Variants in DNAH2 observed in about 807,000 individuals in gnomAD.
DNAH2 encodes dynein axonemal heavy chain 2, also known as axonemal beta dynein heavy chain 2.
DNAH2 carries 323 observed loss-of-function variants against 523.5 expected under a neutral mutation model. The observed-to-expected ratio is 0.62, with a 90% CI of 0.56 to 0.68. DNAH2 has a LOEUF of 0.68. DNAH2 is among the 30% of genes least tolerant of loss of function. DNAH2 has a pLI of 0.00. For synonymous variants in DNAH2, 2,093 were observed against 2,177.4 expected (o/e 0.96, Z 1.08); for missense variants, 4,907 against 5,701.5 (o/e 0.86, Z 4.49).
chr17:7,777,337 C>A, intron 32 of DNAH2, 109 bp from the exon 33 acceptor site: 1 of 1,171,350 alleles, frequency 8.5e-7, no homozygotes, highest in Non-Finnish European at 1.2e-6. Flanking sequence ...GGAGTTACAG[C>A]AGGTGGGGTC....
chr17:7,830,220 C>T (rs2078130906), intron 77 of DNAH2, 80 bp from the exon 78 acceptor site: 1 of 1,483,060 alleles, frequency 6.7e-7, no homozygotes, highest in Non-Finnish European at 9.2e-7. Flanking sequence ...TGAAGAACCT[C>T]CACAACTGTA....
Position 7,723,664 on chromosome 17 carries a change from A to T in DNAH2, c.203A>T (p.Glu68Val). The change falls in exon 3 of 86, where the codon GAA becomes GTA. Residue 68 changes from glutamate to valine, a missense_variant. Glu to Val is a moderately radical substitution (Grantham distance 121). This residue lies in a region of DNAH2 where 2,806 missense variants were observed against 3,190.8 expected (regional missense o/e 0.88). Coordinates refer to ENST00000572933, the MANE Select transcript of DNAH2 (RefSeq NM_020877.5). Reference protein sequence around the residue: ...RLEGPQAQSEESVEPEADVKP... With the variant: ...RLEGPQAQSEVSVEPEADVKP... ...GAGGGACCTCAAGCACAGAGTGAAG[A>T]ATCAGTGGAGCCCGAGGCAGATGTG... 6.2e-7 allele frequency: 1 copy of T among 1,614,062 alleles called. No homozygotes were observed. The highest frequency in any genetic ancestry group is 8.5e-7 in the Non-Finnish European group (1 of 1,179,988).
At position 7,770,298 on chromosome 17, in the gene DNAH2, G is replaced by C; in HGVS notation, c.3988G>C (p.Glu1330Gln). 6.2e-7 allele frequency: 1 copy of C among 1,613,818 alleles called. No individual in the cohort carries two copies. The highest frequency in any genetic ancestry group is 8.5e-7 in the Non-Finnish European group (1 of 1,179,870). The change falls in exon 25 of 86, where the codon GAA becomes CAA. Residue 1330 changes from glutamate (E) to glutamine (Q), a missense_variant. Transcript: ENST00000572933. ...RDEIQREFDQ[E>Q]SESFTLEQIV... Reference sequence around the variant, plus strand: ...TGAGATCCAGCGGGAGTTTGATCAGGAATCTGAAAGCTTCACCTTGGAGCA... The same window carrying C: ...TGAGATCCAGCGGGAGTTTGATCAGCAATCTGAAAGCTTCACCTTGGAGCA...
At chr17:7,766,018 C>G (rs1315799872) in intron 21 of DNAH2, among the ~76,000 whole-genome samples, 1 of 152,138 alleles carries the variant, frequency 6.6e-6, no homozygotes, top group Non-Finnish European at 1.5e-5. Context: ...ACCTTGTGAT[C>G]TGCCTGCCTC....
chr17:7,728,660 C>T (rs1023212003), intron 4 of DNAH2, among the ~76,000 whole-genome samples: 18 of 152,102 alleles, frequency 1.2e-4, no homozygotes, highest in Non-Finnish European at 1.9e-4. Flanking sequence ...CAGCTTGTTT[C>T]GGAGTAGGAA....
chr17:7,830,762 A>G lies in DNAH2; in HGVS notation c.12150A>G (p.Thr4050=), dbSNP rs768942191. ...IAGINYGGHV[T]DDWDRRLLTT... ...GCATCAACTATGGTGGACATGTCAC[A>G]GATGACTGGGACCGGCGCCTGCTGA... is the stretch of plus-strand genomic sequence containing the variant. The change falls in exon 79 of 86, where the codon ACA becomes ACG. Residue 4050 remains threonine, a synonymous_variant. Transcript: ENST00000572933. The G allele has an allele frequency of 6.2e-7, 1 of 1,614,210 alleles. No individual in the cohort carries two copies. The highest frequency in any genetic ancestry group is 8.5e-7 in the Non-Finnish European group (1 of 1,180,050).
chr17:7,779,511 C>A, intron 36 of DNAH2, 88 bp downstream of exon 36: 1 of 1,370,888 alleles, frequency 7.3e-7, no homozygotes, highest in Non-Finnish European at 1.0e-6. Context: ...CTTCCCCCTT[C>A]CATGCGAATG....
chr17:7,721,892 A>G (rs2074619752), intron 2 of DNAH2, among the ~76,000 whole-genome samples: 1 of 152,194 alleles, frequency 6.6e-6, no homozygotes, highest in Non-Finnish European at 1.5e-5. Context: ...CAACTTCTCC[A>G]TGTGGGAAGA....
chr17:7,799,062 T>C (rs764610748), intron 55 of DNAH2, 41 bp from the exon 56 acceptor site: 4 of 1,608,916 alleles, frequency 2.5e-6, no homozygotes, highest in Admixed American at 1.7e-5. Flanking sequence ...GATTCTGCTA[T>C]GGACACGCCA....
chr17:7,830,865 C>T (rs922447679), intron 79 of DNAH2, 23 bp downstream of exon 79: 1 of 1,613,134 alleles, frequency 6.2e-7, no homozygotes, highest in Non-Finnish European at 8.5e-7. Flanking sequence ...TGGCCCTGGA[C>T]AGGGAGCCAG....
In DNAH2 at chr17:7,734,462, C is replaced by T; in HGVS notation, c.740-8C>T. On this transcript the variant is annotated splice_region_variant and splice_polypyrimidine_tract_variant and intron_variant, in intron 6 of 85. Transcript: ENST00000572933. ...GAAACGAAGGAGATTTTGTACTCTC[C>T]CCTGCAGCCTCCATGATCCACTGGA... 6.2e-7 allele frequency: 1 copy of T among 1,613,398 alleles called. No homozygotes were observed. Among genetic ancestry groups the T allele is most frequent in the South Asian group, 1.1e-5 (1 of 91,032 alleles).
In DNAH2 at chr17:7,813,676, C is replaced by T. The variant is rs369835640; in HGVS notation, c.9730-2895C>T. On this transcript the variant is annotated intron_variant, in intron 63 of 85. Transcript: ENST00000572933. ...TAATTCCAGCACTTTGGGAGGTTGACGCGGGTGGATGACTGGAGGTCAGGA... is the reference window on the plus strand; with the variant it reads ...TAATTCCAGCACTTTGGGAGGTTGATGCGGGTGGATGACTGGAGGTCAGGA... Among the ~76,000 whole-genome samples the T allele has an allele frequency of 1.1e-3, 171 of 152,114 alleles. 2 individuals carry two copies. The highest frequency in any genetic ancestry group is 6.8e-3 in the Middle Eastern group (2 of 294).
rs2078081678 is a variant in DNAH2, at chr17:7,828,535, C to T, written c.11854-1765C>T. ...GTACAATCATAGCACAATGGGATTG[C>T]GGGTGGCATGAGCCACTGTTCCCAG... On this transcript the variant is annotated intron_variant, in intron 77 of 85. Transcript: ENST00000572933. The surrounding 1 kb of genome is among the most constrained non-coding windows in gnomAD (Gnocchi z 4.1). Among the ~76,000 whole-genome samples the T allele has an allele frequency of 6.6e-6, 1 of 152,188 alleles. No homozygotes were observed.
rs777694318 is a variant in DNAH2 at position 7,807,440 on chromosome 17, G to A, written c.9613-30G>A. On this transcript the variant is annotated intron_variant, in intron 62 of 85. Coordinates refer to ENST00000572933, the MANE Select transcript of DNAH2 (RefSeq NM_020877.5). This position sits in a 1 kb window ranked among gnomAD's most constrained non-coding sequence, Gnocchi z 5.6. Reference sequence around the variant, plus strand: ...TGAGGGGGTTGGTGGGTTGGTGGGCGACTCCCACAGCCTGACTGTCTCCCC... The same window carrying A: ...TGAGGGGGTTGGTGGGTTGGTGGGCAACTCCCACAGCCTGACTGTCTCCCC... 13 of 1,610,900 alleles carry A rather than the reference G, an allele frequency of 8.1e-6. No individual in the cohort carries two copies. The East Asian group carries it at 1.1e-4, about 14-fold the overall frequency.
Position 7,780,915 on chromosome 17 carries a change from T to TGCCC in DNAH2, c.6004-124_6004-121dup. 4 of 1,581,756 alleles carry TGCCC rather than the reference T, an allele frequency of 2.5e-6. No homozygotes were observed. The highest frequency in any genetic ancestry group is 3.4e-6 in the Non-Finnish European group (4 of 1,160,724). On this transcript the variant is annotated intron_variant, in intron 38 of 85. Coordinates refer to ENST00000572933, the MANE Select transcript of DNAH2 (RefSeq NM_020877.5). This position sits in a 1 kb window ranked among gnomAD's most constrained non-coding sequence, Gnocchi z 4.4. ...TTCCCACCTCGTCCCATCCCCGTGT[T>TGCCC]GCCCGCTGCTTTGCTAATGGCTAAC...
intron 56 of DNAH2, among the ~76,000 whole-genome samples, chr17:7,800,239 C>T (rs1355655794): frequency 6.6e-6 from 1 of 152,086 alleles, no homozygotes; most frequent in Non-Finnish European, 1.5e-5. Flanking sequence ...TTAGTAGAGA[C>T]AGGGTTTCAC....
intron 20 of DNAH2, among the ~76,000 whole-genome samples, chr17:7,765,029 G>A (rs1023987434): frequency 1.3e-5 from 2 of 151,998 alleles, no homozygotes; most frequent in African/African-American, 4.8e-5. Context: ...AAAGTGCTGG[G>A]ATCACAGGCG....
At chr17:7,800,971 C>T (rs530040299) in intron 56 of DNAH2, among the ~76,000 whole-genome samples, 2 of 151,288 alleles carry the variant, frequency 1.3e-5, no homozygotes, top group Admixed American at 1.3e-4. Flanking sequence ...CTCCCAGGCT[C>T]AAGTGATCCT....
chr17:7,729,808 C>T (rs2074932991), intron 4 of DNAH2, among the ~76,000 whole-genome samples: 1 of 152,160 alleles, frequency 6.6e-6, no homozygotes, highest in Admixed American at 6.5e-5. Flanking sequence ...TGAGGCAATT[C>T]TCTTAGGCCA....
Sources: gnomAD v4.1 joint callset for allele counts (sites outside exome capture counted in the v4.1 genomes callset) on GRCh38, gnomAD v4.1.1 for gene constraint, gnomAD v4.1.1 regional missense constraint, Gnocchi (gnomAD v3.1) non-coding constraint, MANE v1.5 for transcripts, NCBI Gene and HGNC (gene_info 2026-07-23, HGNC 2026-07-21) for gene names.